SCAMP4: variants seen among roughly 807,000 people sequenced by gnomAD.
SCAMP4 encodes the protein secretory carrier membrane protein 4, also known as secretory carrier-associated membrane protein 4.
A neutral mutation model predicts 32.1 loss-of-function variants in SCAMP4; 19 were observed. The ratio of observed to expected loss-of-function variants is 0.59; its 90% CI spans 0.41 to 0.87. SCAMP4 has a LOEUF of 0.87. SCAMP4 is among the 40% of genes least tolerant of loss of function. The pLI is 0.00. For synonymous variants in SCAMP4, 152 were observed against 132.7 expected (o/e 1.15, Z -1.00); for missense variants, 302 against 309.0 (o/e 0.98, Z 0.17).
At chr19:1,921,372 C>A in intron 5 of SCAMP4, 1 of 985,416 alleles carries the variant, frequency 1.0e-6, no homozygotes, top group Non-Finnish European at 1.2e-6. Context: ...AGAGAAATGA[C>A]CCCCAGCGGG....
At chr19:1,912,105 G>T (rs571666841) in intron 1 of SCAMP4, 16 of 1,514,094 alleles carry the variant, frequency 1.1e-5, no homozygotes, top group Non-Finnish European at 1.3e-5. Flanking sequence ...GATGGAGCCC[G>T]CCCCGGGCCT....
chr19:1,921,449 A>AG (rs2013917131), intron 5 of SCAMP4: 2 of 985,284 alleles, frequency 2.0e-6, no homozygotes, highest in Admixed American at 1.2e-4. Context: ...ACGGTGCAGC[A>AG]GGGGCCCCCG....
chr19:1,906,301 A>G (rs1298376234), intron 1 of SCAMP4: 2 of 152,152 alleles, frequency 1.3e-5, no homozygotes, highest in Admixed American at 6.6e-5. Flanking sequence ...TGGAGGTTGC[A>G]GTGAGCCAAG....
intron 1 of SCAMP4, among the ~76,000 whole-genome samples, chr19:1,909,524 C>T (rs62127735): frequency 0.076 from 11,524 of 152,056 alleles, 610 homozygotes; most frequent in East Asian, 0.21. Context: ...GGGATGGTAA[C>T]GGCTTTACTG....
At chr19:1,920,598 C>T in intron 5 of SCAMP4, 1 of 985,456 alleles carries the variant, frequency 1.0e-6, no homozygotes, top group Non-Finnish European at 1.2e-6. Flanking sequence ...TGAGCGTGTG[C>T]CTGGGACTCC....
At chr19:1,916,076 C>T (rs964024536) in intron 2 of SCAMP4, among the ~76,000 whole-genome samples, 4 of 149,984 alleles carry the variant, frequency 2.7e-5, no homozygotes, top group Non-Finnish European at 5.9e-5. Flanking sequence ...AAACCCCATC[C>T]CTACTAAAAA....
intron 1 of SCAMP4, among the ~76,000 whole-genome samples, chr19:1,911,239 G>A (rs1386537101): frequency 6.6e-6 from 1 of 151,758 alleles, no homozygotes; most frequent in Admixed American, 6.6e-5. Flanking sequence ...TGGCACGATT[G>A]TAGCTCACTG....
At chr19:1,907,204 C>T (rs1001178243) in intron 1 of SCAMP4, 4 of 151,266 alleles carry the variant, frequency 2.6e-5, no homozygotes, top group Admixed American at 6.6e-5. Context: ...AAAGCCCCCA[C>T]GCAGACTATT....
At chr19:1,912,557 G>A (rs1199681822) in intron 1 of SCAMP4, 2 of 1,500,044 alleles carry the variant, frequency 1.3e-6, no homozygotes, top group Non-Finnish European at 1.8e-6. Context: ...ACGAGGACAA[G>A]CAGGTGACCA....
chr19:1,924,592 C>G lies in SCAMP4; in HGVS notation c.*308C>G, dbSNP rs1192152328. The stretch of plus-strand genomic sequence containing the variant: ...TGCACGGCTGGTACGGCCTTGTCTT[C>G]AGGTCTCGAGGCCTGACTCCGGGGG... On this transcript the variant is annotated 3_prime_UTR_variant, in exon 7 of 7. Transcript: ENST00000316097. 10 of 376,678 alleles carry G rather than the reference C, an allele frequency of 2.7e-5. No individual in the cohort carries two copies. The East Asian group carries it at 4.8e-4, about 18-fold the overall frequency. 23.3% of individuals were successfully genotyped at this position (376,678 alleles called of 1,614,324 possible). A position where few individuals can be genotyped will look rare whatever the true frequency, so the allele number is the denominator to read the frequency against.
At chr19:1,922,743 T>C (rs763897714) in intron 5 of SCAMP4, 6 of 1,021,224 alleles carry the variant, frequency 5.9e-6, no homozygotes, top group Admixed American at 5.8e-5. Flanking sequence ...GGGAAACTAA[T>C]GGGGAAGCAC....
rs2013248662 is a variant in SCAMP4 at position 1,908,329 on chromosome 19, C to T, written c.-42+2890C>T. ...TCGGGCAGCGCTGGGGCCGCTTCAG[C>T]GTGACCTCCAAGGCCACTGGCCTGG... On this transcript the variant is annotated intron_variant, in intron 1 of 6. Transcript: ENST00000316097. This position sits in a 1 kb window ranked among gnomAD's most constrained non-coding sequence, Gnocchi z 4.2. 3 of 358,576 alleles carry T rather than the reference C, an allele frequency of 8.4e-6. No homozygotes were observed. Among genetic ancestry groups the T allele is most frequent in the African/African-American group, 2.2e-5 (1 of 46,334 alleles). 22.2% of individuals were successfully genotyped at this position (358,576 alleles called of 1,614,324 possible). A position where few individuals can be genotyped will look rare whatever the true frequency, so the allele number is the denominator to read the frequency against.
At chr19:1,914,855 T>C in intron 1 of SCAMP4, 124 bp from the exon 2 acceptor site, 1 of 774,276 alleles carries the variant, frequency 1.3e-6, no homozygotes, top group South Asian at 1.5e-5. Flanking sequence ...TGGCTCCCGC[T>C]TAGCCCACTG....
chr19:1,917,616 C>A, intron 2 of SCAMP4, 78 bp from the exon 3 acceptor site: 1 of 1,556,254 alleles, frequency 6.4e-7, no homozygotes, highest in Non-Finnish European at 8.8e-7. Flanking sequence ...GCAACCCAGC[C>A]TTGGGTCGAA....
rs1217830882 is a variant in SCAMP4 at position 1,925,457 on chromosome 19, A to G, written c.*1173A>G. 1 of 152,672 alleles carries G rather than the reference A, an allele frequency of 6.5e-6. No individual in the cohort carries two copies. Among genetic ancestry groups the G allele is most frequent in the Non-Finnish European group, 1.5e-5 (1 of 68,096 alleles). 9.5% of individuals were successfully genotyped at this position (152,672 alleles called of 1,614,324 possible). On this transcript the variant is annotated 3_prime_UTR_variant, in exon 7 of 7. Coordinates refer to ENST00000316097, the MANE Select transcript of SCAMP4 (RefSeq NM_079834.4). ...TCTGTGCCTTATGGAGGGGTCCGGC[A>G]GCGGCCACAATTGTCTTGTCCCCTC...
intron 1 of SCAMP4, chr19:1,906,865 A>ATTGTGTGTGTGTGTGTGT (rs2013145071): frequency 2.3e-5 from 1 of 42,964 alleles, no homozygotes; most frequent in African/African-American, 1.1e-4. Flanking sequence ...AAAAAAAAAA[A>ATTGTGTGTGTGTGTGTGT]TTGTGTGTGT....
Position 1,925,810 on chromosome 19 carries a change from G to A in SCAMP4, c.*1526G>A, listed in dbSNP as rs1282985488. ...CCATGGGTCTCACGGCCATGCTTCA[G>A]GGTCTTCAGGTCCTGCCCCCGGCCA... On this transcript the variant is annotated 3_prime_UTR_variant, in exon 7 of 7. Transcript: ENST00000316097. 1 of 152,712 alleles carries A rather than the reference G, an allele frequency of 6.5e-6. No homozygotes were observed. 9.5% of individuals were successfully genotyped at this position (152,712 alleles called of 1,614,324 possible). A position where few individuals can be genotyped will look rare whatever the true frequency, so the allele number is the denominator to read the frequency against.
At position 1,908,638 on chromosome 19, in the gene SCAMP4, A is replaced by G. The variant is rs1273361988; in HGVS notation, c.-42+3199A>G. The G allele has an allele frequency of 2.2e-6, 1 of 461,568 alleles. No individual in the cohort carries two copies. The allele number at this position is 461,568 out of a possible 1,614,324, so 28.6% of individuals were successfully genotyped here. ...TAGAAATAACTGTGAGCACACAGGT[A>G]GTAAGGTTTTTAGGATTTTATTATT... On this transcript the variant is annotated intron_variant, in intron 1 of 6. Coordinates refer to ENST00000316097, the MANE Select transcript of SCAMP4 (RefSeq NM_079834.4). The surrounding 1 kb of genome is among the most constrained non-coding windows in gnomAD (Gnocchi z 4.2).
chr19:1,913,070 A>C (rs769858584), intron 1 of SCAMP4: 1 of 1,602,168 alleles, frequency 6.2e-7, no homozygotes, highest in Admixed American at 1.7e-5. Flanking sequence ...GCATCCACGC[A>C]CGGCCCGACC....
Sources: allele counts gnomAD v4.1 joint callset (sites outside exome capture counted in the v4.1 genomes callset), GRCh38; gene constraint gnomAD v4.1.1; non-coding constraint Gnocchi (gnomAD v3.1); transcripts MANE v1.5; gene names NCBI Gene and HGNC (gene_info 2026-07-23, HGNC 2026-07-21).